The following ZNF248 variants were observed in gnomAD, a reference collection of about 807,000 sequenced individuals.
The protein encoded by ZNF248 is KRAB protein domain.
Under a neutral mutation model 44.3 loss-of-function variants are expected in ZNF248, and 20 were observed. The observed-to-expected ratio is 0.45, with a 90% CI of 0.32 to 0.66. The LOEUF (loss-of-function observed/expected upper bound fraction) is 0.66, where lower values mean the gene tolerates loss of function less well. Ranked by LOEUF, ZNF248 falls within the 30% of genes least tolerant of loss-of-function variation. ZNF248 has a pLI of 0.04. For synonymous variants in ZNF248, 224 were observed against 229.0 expected (o/e 0.98, Z 0.20); for missense variants, 654 against 677.0 (o/e 0.97, Z 0.38).
intron 6 of ZNF248, among the ~76,000 whole-genome samples, chr10:37,789,291 C>CA (rs5784563): frequency 0.24 from 35,815 of 146,384 alleles, 4,416 homozygotes; most frequent in East Asian, 0.44. Flanking sequence ...AATTATATCT[C>CA]AAAAAAAAAA....
chr10:37,807,901 G>A (rs912350484), intron 6 of ZNF248, among the ~76,000 whole-genome samples: 23 of 152,012 alleles, frequency 1.5e-4, no homozygotes, highest in Non-Finnish European at 2.2e-4. Context: ...TAATTGCTCA[G>A]GCTAGAACTT....
chr10:37,807,311 T>C (rs996949776), intron 6 of ZNF248, among the ~76,000 whole-genome samples: 7 of 152,204 alleles, frequency 4.6e-5, no homozygotes. Context: ...TTATGATTTA[T>C]AGCTTTGTAA....
intron 6 of ZNF248, among the ~76,000 whole-genome samples, chr10:37,807,624 G>A (rs1330848383): frequency 6.6e-5 from 10 of 152,116 alleles, no homozygotes; most frequent in African/African-American, 2.4e-4. Flanking sequence ...GTAGTTTTCA[G>A]TGTACAAGTC....
chr10:37,831,770 A>G lies in ZNF248; in HGVS notation c.1585T>C (p.Phe529Leu), dbSNP rs1440410370. 1 of 1,613,212 alleles carries G rather than the reference A, an allele frequency of 6.2e-7. No homozygotes were observed. The highest frequency in any genetic ancestry group is 8.5e-7 in the Non-Finnish European group (1 of 1,179,278). ...TTAGTGAGAGCTGATTTTTCACAGA[A>G]GGTTTTCCCACATTCATTACACTTA... is the stretch of plus-strand genomic sequence containing the variant. The part of the protein sequence containing the change: ...PYKCNECGKT[F>L]CEKSALTKHQ... Residue 529 changes from phenylalanine to leucine, a missense_variant, in exon 6 of 6, where the codon TTC becomes CTC. By Grantham distance (22) the Phe-to-Leu change is conservative. Coordinates refer to ENST00000395867, the MANE Select transcript of ZNF248 (RefSeq NM_021045.3).
intron 6 of ZNF248, chr10:37,819,672 T>C: frequency 3.8e-6 from 3 of 794,344 alleles, no homozygotes; most frequent in East Asian, 4.9e-5. Flanking sequence ...TCCTCCTTTT[T>C]AAGATGACCT....
At chr10:37,770,352 T>C in the ZNF248 span, among the ~76,000 whole-genome samples, 1 of 151,908 alleles carries the variant, frequency 6.6e-6, no homozygotes, top group Non-Finnish European at 1.5e-5. Flanking sequence ...CCAGAGGCAT[T>C]ACGCTACCTG....
chr10:37,817,325 A>G (rs2052653734), intron 6 of ZNF248, among the ~76,000 whole-genome samples: 1 of 151,908 alleles, frequency 6.6e-6, no homozygotes, highest in Non-Finnish European at 1.5e-5. Flanking sequence ...CCTAAGAACC[A>G]CTTCCAAAGA....
chr10:37,851,674 C>G (rs573449793), intron 3 of ZNF248, among the ~76,000 whole-genome samples: 1 of 143,442 alleles, frequency 7.0e-6, no homozygotes, highest in South Asian at 2.2e-4. Flanking sequence ...AGGACTATTT[C>G]AATGAAGAGA....
chr10:37,815,068 T>C (rs117146130), intron 6 of ZNF248, among the ~76,000 whole-genome samples: 1,972 of 152,282 alleles, frequency 0.013, 21 homozygotes, highest in Admixed American at 0.019. Flanking sequence ...TTCATTTTTT[T>C]TTCAGACTTT....
At chr10:37,846,336 T>C (rs1298266606) in intron 3 of ZNF248, among the ~76,000 whole-genome samples, 1 of 152,118 alleles carries the variant, frequency 6.6e-6, no homozygotes, top group Non-Finnish European at 1.5e-5. Flanking sequence ...TTTCAAACAT[T>C]ACAAAAAGAC....
At chr10:37,791,108 C>T (rs2048499560) in intron 6 of ZNF248, among the ~76,000 whole-genome samples, 1 of 116,114 alleles carries the variant, frequency 8.6e-6, no homozygotes, top group Non-Finnish European at 1.6e-5. Flanking sequence ...GGCTGTAGTG[C>T]AGTGGTGCGA....
rs149949034 is a variant in ZNF248 at position 37,797,367 on chromosome 10, C to G, written c.331-20792G>C. 2.7e-4 allele frequency among the ~76,000 whole-genome samples: 41 copies of G among 152,090 alleles called. No homozygotes were observed. In the East Asian group the frequency reaches 5.8e-3, roughly 22 times the overall value. The stretch of plus-strand genomic sequence containing the variant: ...AAAACCCCTTGAGGAAAACATAGGG[C>G]AAAATCTTAGATTAATTTTAGATTA... On this transcript the variant is annotated intron_variant, in intron 6 of 6. Coordinates refer to the ZNF248 transcript ENST00000615949.
chr10:37,854,273 A>T (rs7076850), intron 3 of ZNF248, among the ~76,000 whole-genome samples: 11,915 of 152,260 alleles, frequency 0.078, 825 homozygotes, highest in African/African-American at 0.18. Flanking sequence ...ATATTTCTGC[A>T]TAGGGAAAAA....
chr10:37,786,226 T>A (rs1819442208), intron 6 of ZNF248, among the ~76,000 whole-genome samples: 1 of 152,246 alleles, frequency 6.6e-6, no homozygotes, highest in Admixed American at 6.5e-5. Flanking sequence ...CAGATTCTTT[T>A]GGCAGGATGA....
Position 37,831,425 on chromosome 10 carries a change from T to C in ZNF248, c.*190A>G, listed in dbSNP as rs1589615685. On this transcript the variant is annotated 3_prime_UTR_variant, in exon 6 of 6. Coordinates refer to ENST00000395867, the MANE Select transcript of ZNF248 (RefSeq NM_021045.3). Reference sequence around the variant, plus strand: ...AAATTCCAGATAAATATTTTCACCATATTACTTAGATGAATAGAATTCCCC... The same window carrying C: ...AAATTCCAGATAAATATTTTCACCACATTACTTAGATGAATAGAATTCCCC... 2 of 1,502,156 alleles carry C rather than the reference T, an allele frequency of 1.3e-6. No homozygotes were observed. The highest frequency in any genetic ancestry group is 4.9e-5 in the East Asian group (2 of 40,522). The allele number at this position is 1,502,156 out of a possible 1,614,324, so 93.1% of individuals were successfully genotyped here.
At chr10:37,817,269 T>G (rs1589398422) in intron 6 of ZNF248, among the ~76,000 whole-genome samples, 2 of 152,200 alleles carry the variant, frequency 1.3e-5, no homozygotes, top group Non-Finnish European at 2.9e-5. Context: ...TCCTAATGAC[T>G]TTTAGTAGAT....
chr10:37,856,376 G>A (rs529073721), intron 2 of ZNF248, 39 bp from the exon 3 acceptor site: 9 of 1,608,508 alleles, frequency 5.6e-6, no homozygotes, highest in Non-Finnish European at 7.6e-6. Context: ...GAGAGCCTTC[G>A]CCGGCCTTGC....
downstream of ZNF248, among the ~76,000 whole-genome samples, chr10:37,775,043 T>C (rs551121071): frequency 6.6e-6 from 1 of 152,162 alleles, no homozygotes; most frequent in Non-Finnish European, 1.5e-5. Flanking sequence ...GTGCTGGGAT[T>C]TCAGGCATGA....
the ZNF248 span, among the ~76,000 whole-genome samples, chr10:37,765,144 A>G: frequency 6.6e-6 from 1 of 151,960 alleles, no homozygotes; most frequent in Non-Finnish European, 1.5e-5. Context: ...TTTAGTAGAG[A>G]CAGGGTTTCT....
Sources: allele counts gnomAD v4.1 joint callset (sites outside exome capture counted in the v4.1 genomes callset), GRCh38; gene constraint gnomAD v4.1.1; transcripts MANE v1.5; gene names NCBI Gene and HGNC (gene_info 2026-07-23, HGNC 2026-07-21).